LRRK2: variants seen among roughly 807,000 people sequenced by gnomAD.
LRRK2 encodes leucine-rich repeat serine/threonine-protein kinase 2.
LRRK2 carries 203 observed loss-of-function variants against 302.6 expected under a neutral mutation model. The observed-to-expected ratio is 0.67, with a 90% CI of 0.60 to 0.75. The LOEUF (loss-of-function observed/expected upper bound fraction) is 0.75, where lower values mean the gene tolerates loss of function less well. Among genes scored for constraint, LRRK2 ranks in the 30% least tolerant of loss-of-function variants. The pLI is 0.00. For missense variants in LRRK2, 2,830 were observed against 2,951.0 expected (o/e 0.96, Z 0.95); for synonymous variants, 1,066 against 1,031.9 (o/e 1.03, Z -0.63).
chr12:40,366,914 T>G, intron 49 of LRRK2, 92 bp from the exon 50 acceptor site: 1 of 875,732 alleles, frequency 1.1e-6, no homozygotes, highest in Non-Finnish European at 1.9e-6. Flanking sequence ...CCAAGGTATT[T>G]GTGTCTTAAA....
At chr12:40,249,754 A>C in intron 7 of LRRK2, 72 bp from the exon 8 acceptor site, 1 of 1,506,682 alleles carries the variant, frequency 6.6e-7, no homozygotes, top group South Asian at 1.1e-5. Flanking sequence ...ATTGATGTAA[A>C]TAGTGTTATA....
At chr12:40,258,164 G>A (rs759886358) in intron 12 of LRRK2, among the ~76,000 whole-genome samples, 3 of 152,016 alleles carry the variant, frequency 2.0e-5, no homozygotes, top group Non-Finnish European at 4.4e-5. Context: ...TTTTACAAAG[G>A]GATTAGGATA....
At chr12:40,303,331 C>A (rs1183626803) in intron 26 of LRRK2, among the ~76,000 whole-genome samples, 1 of 152,096 alleles carries the variant, frequency 6.6e-6, no homozygotes, top group Non-Finnish European at 1.5e-5. Context: ...AAACCAGAAG[C>A]TTCCTGTTAA....
intron 14 of LRRK2, among the ~76,000 whole-genome samples, chr12:40,265,999 A>G (rs1942995452): frequency 1.3e-5 from 2 of 152,232 alleles, no homozygotes; most frequent in Admixed American, 1.3e-4. Flanking sequence ...ACAAAAATAA[A>G]TTCAAGATGG....
chr12:40,340,268 A>C, intron 40 of LRRK2, 26 bp from the exon 41 acceptor site: 1 of 1,611,634 alleles, frequency 6.2e-7, no homozygotes, highest in Non-Finnish European at 8.5e-7. Context: ...ACATTTGAAT[A>C]AGATTTCCTG....
intron 7 of LRRK2, among the ~76,000 whole-genome samples, chr12:40,244,095 T>A (rs1941866390): frequency 6.6e-6 from 1 of 152,150 alleles, no homozygotes. Flanking sequence ...AAATGTTGTA[T>A]ATTCCCAGTG....
chr12:40,274,932 T>C lies in LRRK2; in HGVS notation c.1880T>C (p.Leu627Pro). 8 of 1,614,020 alleles carry C rather than the reference T, an allele frequency of 5.0e-6. No individual in the cohort carries two copies. The highest frequency in any genetic ancestry group is 6.8e-6 in the Non-Finnish European group (8 of 1,179,920). ...GTGTTCATAGGAACTGGACATCTGC[T>C]GGCAAAAATTCTGGTTTCCAGCTTA... Reference protein sequence around the residue: ...KNVFIGTGHLLAKILVSSLYR... With the variant: ...KNVFIGTGHLPAKILVSSLYR... Residue 627 changes from leucine to proline, a missense_variant, in exon 16 of 51, where the codon CTG becomes CCG. Coordinates refer to ENST00000298910, the MANE Select transcript of LRRK2 (RefSeq NM_198578.4).
chr12:40,332,101 A>G (rs1945729014), intron 39 of LRRK2, among the ~76,000 whole-genome samples: 1 of 152,222 alleles, frequency 6.6e-6, no homozygotes, highest in Non-Finnish European at 1.5e-5. Flanking sequence ...AACAAGCACT[A>G]TGTTCAGGGC....
At position 40,336,889 on chromosome 12, in the gene LRRK2, C is replaced by T. The variant is rs531666773; in HGVS notation, c.5948+1732C>T. Reference sequence around the variant, plus strand: ...TTTCCCTAATTCTTCCACAAATCCCCAAAGTGTTTATTTATAAAGTGAAGA... The same window carrying T: ...TTTCCCTAATTCTTCCACAAATCCCTAAAGTGTTTATTTATAAAGTGAAGA... On this transcript the variant is annotated intron_variant, in intron 40 of 50. Coordinates refer to ENST00000298910, the MANE Select transcript of LRRK2 (RefSeq NM_198578.4). Among the ~76,000 whole-genome samples, 11 of 152,270 alleles carry T rather than the reference C, an allele frequency of 7.2e-5. No homozygotes were observed. The South Asian group carries it at 2.3e-3, about 32-fold the overall frequency.
rs1020433882 is a variant in LRRK2, at chr12:40,225,047, G to A, written c.-85G>A. On this transcript the variant is annotated 5_prime_UTR_variant, in exon 1 of 51. Coordinates refer to ENST00000298910, the MANE Select transcript of LRRK2 (RefSeq NM_198578.4). The stretch of plus-strand genomic sequence containing the variant: ...GGGCGGTGAGCTGAGCTCGCCCCCG[G>A]GGAGCTGTGGCCGGCGCCCCTGCCG... The A allele has an allele frequency of 2.5e-6, 4 of 1,571,508 alleles. No homozygotes were observed. The highest frequency in any genetic ancestry group is 2.6e-6 in the Non-Finnish European group (3 of 1,151,296).
chr12:40,329,705 A>G (rs1945657282), intron 39 of LRRK2, among the ~76,000 whole-genome samples: 1 of 152,138 alleles, frequency 6.6e-6, no homozygotes, highest in Non-Finnish European at 1.5e-5. Context: ...AAATAAAGGC[A>G]TATTTTAATT....
At chr12:40,314,612 G>A (rs77516464) in intron 32 of LRRK2, among the ~76,000 whole-genome samples, 1,778 of 152,140 alleles carry the variant, frequency 0.012, 31 homozygotes, top group African/African-American at 0.04. Context: ...AGATGATGCA[G>A]CTTCTGAGTG....
At position 40,305,820 on chromosome 12, in the gene LRRK2, A is replaced by G. The variant is rs145128677; in HGVS notation, c.3813A>G (p.Thr1271=). 6.2e-7 allele frequency: 1 copy of G among 1,613,432 alleles called. No individual in the cohort carries two copies. The highest frequency in any genetic ancestry group is 1.1e-5 in the South Asian group (1 of 91,058). ...AGATTGGCTGTCTTGAAAATCTGAC[A>G]TCTCTGGATGTCAGTTACAACTTGG... ...PPEIGCLENL[T]SLDVSYNLEL... The change falls in exon 28 of 51, where the codon ACA becomes ACG. Residue 1271 remains threonine (T), a synonymous_variant. Coordinates refer to ENST00000298910, the MANE Select transcript of LRRK2 (RefSeq NM_198578.4).
intron 14 of LRRK2, among the ~76,000 whole-genome samples, chr12:40,264,449 T>A (rs1211324837): frequency 6.6e-6 from 1 of 152,078 alleles, no homozygotes; most frequent in East Asian, 1.9e-4. Context: ...TGAAACCCTG[T>A]CTCTACTAAA....
In LRRK2 at chr12:40,367,801, A is replaced by T. The variant is rs1202498396; in HGVS notation, c.*36A>T. ...GGAATTGTCTTTGGATAGGAAAATT[A>T]TTCTCTCCTCTTGTAAATATTTATT... On this transcript the variant is annotated 3_prime_UTR_variant, in exon 51 of 51. Coordinates refer to ENST00000298910, the MANE Select transcript of LRRK2 (RefSeq NM_198578.4). 1 of 1,584,742 alleles carries T rather than the reference A, an allele frequency of 6.3e-7. No individual in the cohort carries two copies. Among genetic ancestry groups the T allele is most frequent in the East Asian group, 2.3e-5 (1 of 44,016 alleles).
chr12:40,261,261 G>C (rs1185564901), intron 13 of LRRK2, among the ~76,000 whole-genome samples: 1 of 152,112 alleles, frequency 6.6e-6, no homozygotes, highest in Non-Finnish European at 1.5e-5. Context: ...TTATTCTTTT[G>C]AGGGAGGTTT....
chr12:40,235,800 T>TG, intron 4 of LRRK2, 86 bp downstream of exon 4: 1 of 767,468 alleles, frequency 1.3e-6, no homozygotes. Flanking sequence ...TGTGTTTTTT[T>TG]TTTTTTTTTT....
chr12:40,237,142 G>A lies in LRRK2; in HGVS notation c.437-827G>A, dbSNP rs529223381. On this transcript the variant is annotated intron_variant, in intron 4 of 50. Transcript: ENST00000298910. ...AAAAAAATGTTTAGTGAGGAGCAGA[G>A]TTTAGCATATTTGGAGTGAAGACAA... Among the ~76,000 whole-genome samples, 10 of 152,200 alleles carry A rather than the reference G, an allele frequency of 6.6e-5. No homozygotes were observed. In the East Asian group the frequency reaches 1.9e-3, roughly 29 times the overall value.
At chr12:40,364,727 A>G in intron 48 of LRRK2, 115 bp from the exon 49 acceptor site, 1 of 887,552 alleles carries the variant, frequency 1.1e-6, no homozygotes, top group South Asian at 1.5e-5. Context: ...AATGATGCAT[A>G]ATGGTGGTGG....
Sources: allele counts gnomAD v4.1 joint callset (sites outside exome capture counted in the v4.1 genomes callset), GRCh38; gene constraint gnomAD v4.1.1; transcripts MANE v1.5; gene names NCBI Gene and HGNC (gene_info 2026-07-23, HGNC 2026-07-21).